TET3: variants seen among roughly 807,000 people sequenced by gnomAD.
TET3 encodes methylcytosine dioxygenase TET3.
TET3 carries 19 observed loss-of-function variants against 141.4 expected under a neutral mutation model. That is an observed-to-expected ratio of 0.13 (90% CI 0.09 to 0.20). The LOEUF is 0.20. Ranked by LOEUF, TET3 falls within the 10% of genes least tolerant of loss-of-function variation. The pLI is 1.00. For missense variants in TET3, 1,874 were observed against 2,356.9 expected, an observed-to-expected ratio of 0.80 and a Z score of 4.24; for synonymous variants, 1,043 against 980.9, an observed-to-expected ratio of 1.06 and a Z score of -1.18.
chr2:74,075,063 G>C (rs1307239342), intron 5 of TET3, among the ~76,000 whole-genome samples: 1 of 152,012 alleles, frequency 6.6e-6, no homozygotes, highest in Non-Finnish European at 1.5e-5. Flanking sequence ...GTAGAGATGG[G>C]GTTTCACCGT....
chr2:74,120,449 G>T, the TET3 span, among the ~76,000 whole-genome samples: 58,251 of 152,214 alleles, frequency 0.38, 13,241 homozygotes, highest in East Asian at 0.86. Flanking sequence ...ACACCTACCC[G>T]GGGGGAACGT....
At chr2:74,043,062 G>A (rs916787212) in intron 3 of TET3, among the ~76,000 whole-genome samples, 5 of 152,048 alleles carry the variant, frequency 3.3e-5, no homozygotes, top group African/African-American at 1.2e-4. Context: ...GACCATTTTG[G>A]GGAAGCCTCC....
chr2:74,082,650 T>C (rs889163784), intron 6 of TET3, among the ~76,000 whole-genome samples: 1 of 152,202 alleles, frequency 6.6e-6, no homozygotes, highest in Admixed American at 6.5e-5. Context: ...GAGGGCTTTA[T>C]TTTTTCTGGC....
chr2:74,119,979 T>C, the TET3 span, among the ~76,000 whole-genome samples: 1 of 152,204 alleles, frequency 6.6e-6, no homozygotes, highest in Non-Finnish European at 1.5e-5. Context: ...CCTTTTGACA[T>C]TCCTTGGGTG....
At chr2:74,035,071 G>T (rs1163245695) in intron 3 of TET3, among the ~76,000 whole-genome samples, 1 of 151,396 alleles carries the variant, frequency 6.6e-6, no homozygotes, top group Non-Finnish European at 1.5e-5. Context: ...GTATGGTGGC[G>T]GGCGCCTGTA....
intron 6 of TET3, among the ~76,000 whole-genome samples, chr2:74,083,771 G>A (rs1332718886): frequency 2.0e-5 from 3 of 152,156 alleles, no homozygotes; most frequent in East Asian, 1.9e-4. Context: ...ATGACATTGC[G>A]TGTTTGCCAT....
the TET3 span, among the ~76,000 whole-genome samples, chr2:74,116,992 C>G: frequency 0.24 from 36,192 of 151,800 alleles, 4,760 homozygotes; most frequent in East Asian, 0.37. Flanking sequence ...CTCAGGGAAG[C>G]ACCTCAAATG....
At chr2:74,041,451 A>G (rs10198884) in intron 3 of TET3, among the ~76,000 whole-genome samples, 9,000 of 152,224 alleles carry the variant, frequency 0.059, 523 homozygotes, top group African/African-American at 0.14. Flanking sequence ...GGTCACAAGC[A>G]GGGCTGTCAC....
intron 4 of TET3, among the ~76,000 whole-genome samples, chr2:74,067,557 C>T (rs561342020): frequency 9.8e-5 from 15 of 152,318 alleles, no homozygotes; most frequent in Non-Finnish European, 1.9e-4. Flanking sequence ...TTAACAATTA[C>T]GTAACAATTA....
At chr2:74,127,978 G>A in the TET3 span, among the ~76,000 whole-genome samples, 1 of 152,118 alleles carries the variant, frequency 6.6e-6, no homozygotes, top group Admixed American at 6.6e-5. Flanking sequence ...AATATTGTTT[G>A]TTTTCTTCCA....
intron 3 of TET3, among the ~76,000 whole-genome samples, chr2:74,017,211 C>G (rs1468980384): frequency 6.6e-6 from 1 of 152,172 alleles, no homozygotes; most frequent in African/African-American, 2.4e-5. Context: ...ATTGCTTGAG[C>G]TTAGGAGTTT....
chr2:74,131,628 T>C, the TET3 span, among the ~76,000 whole-genome samples: 1 of 152,160 alleles, frequency 6.6e-6, no homozygotes, highest in African/African-American at 2.4e-5. Flanking sequence ...CAGTTTCCCC[T>C]ACACTGACTT....
At chr2:74,022,431 T>G (rs1434262795) in intron 3 of TET3, among the ~76,000 whole-genome samples, 5 of 151,970 alleles carry the variant, frequency 3.3e-5, no homozygotes, top group African/African-American at 4.8e-5. Context: ...TTGTTTTTTG[T>G]TTTTTTGTTT....
intron 4 of TET3, among the ~76,000 whole-genome samples, chr2:74,066,550 G>A (rs1022340487): frequency 2.6e-5 from 4 of 152,012 alleles, no homozygotes; most frequent in African/African-American, 4.8e-5. Context: ...TTCTTCTCTA[G>A]AATATCTTTT....
chr2:74,076,441 G>GTT lies in TET3; in HGVS notation c.2585+2830_2585+2831dup, dbSNP rs70965785. Among the ~76,000 whole-genome samples, 46 of 56,586 alleles carry GTT rather than the reference G, an allele frequency of 8.1e-4. 1 individual carries two copies. The highest frequency in any genetic ancestry group is 3.0e-3 in the South Asian group (3 of 990). 37.1% of individuals were successfully genotyped at this position (56,586 alleles called of 152,430 possible). On this transcript the variant is annotated intron_variant, in intron 5 of 11. Coordinates refer to ENST00000409262, the MANE Select transcript of TET3 (RefSeq NM_001287491.2). The stretch of plus-strand genomic sequence containing the variant: ...AACCTATTCAGGTTCATTCCTCTGG[G>GTT]TTTTTTTTTTTTTTTTTTTTTTTTT...
At chr2:74,013,201 G>C (rs930779326) in intron 3 of TET3, among the ~76,000 whole-genome samples, 4 of 151,728 alleles carry the variant, frequency 2.6e-5, no homozygotes, top group Non-Finnish European at 5.9e-5. Context: ...TCACCATGTT[G>C]GCCAGGATGG....
intron 2 of TET3, among the ~76,000 whole-genome samples, chr2:73,987,773 G>A (rs1684116054): frequency 6.6e-6 from 1 of 152,172 alleles, no homozygotes; most frequent in Non-Finnish European, 1.5e-5. Flanking sequence ...GTACTTGATG[G>A]CTTTCAAAGC....
intron 3 of TET3, among the ~76,000 whole-genome samples, chr2:74,005,703 A>T (rs1379544169): frequency 6.6e-6 from 1 of 152,146 alleles, no homozygotes; most frequent in Non-Finnish European, 1.5e-5. Context: ...GTGGGAATAG[A>T]CACATATACG....
At chr2:74,073,317 T>A (rs1426877553) in intron 4 of TET3, among the ~76,000 whole-genome samples, 1 of 152,248 alleles carries the variant, frequency 6.6e-6, no homozygotes, top group East Asian at 1.9e-4. Context: ...CTTGGTTTTA[T>A]CAGATTTTTA....
Sources: gnomAD v4.1 joint callset for allele counts (sites outside exome capture counted in the v4.1 genomes callset) on GRCh38, gnomAD v4.1.1 for gene constraint, MANE v1.5 for transcripts, NCBI Gene and HGNC (gene_info 2026-07-23, HGNC 2026-07-21) for gene names.